RBMS3: variants seen among roughly 807,000 people sequenced by gnomAD.
RBMS3 encodes the protein RNA-binding motif, single-stranded-interacting protein 3.
RBMS3 carries 27 observed loss-of-function variants against 66.8 expected under a neutral mutation model. The ratio of observed to expected loss-of-function variants is 0.40; its 90% CI spans 0.30 to 0.56. RBMS3 has a LOEUF of 0.56. Ranked by LOEUF, RBMS3 falls within the 20% of genes least tolerant of loss-of-function variation. The pLI is 0.40. For missense variants in RBMS3, 513 were observed against 549.5 expected (o/e 0.93, Z 0.66); for synonymous variants, 188 against 183.0 (o/e 1.03, Z -0.22).
At chr3:29,338,902 A>G (rs931278505) in intron 1 of RBMS3, among the ~76,000 whole-genome samples, 3 of 152,196 alleles carry the variant, frequency 2.0e-5, no homozygotes, top group African/African-American at 7.2e-5. Context: ...GTGGAACAGC[A>G]TCATCAATTT....
At chr3:29,580,159 G>A (rs1354067025) in intron 3 of RBMS3, among the ~76,000 whole-genome samples, 2 of 152,036 alleles carry the variant, frequency 1.3e-5, no homozygotes, top group Non-Finnish European at 2.9e-5. Context: ...AAATACCATT[G>A]GGGACCTATT....
intron 4 of RBMS3, among the ~76,000 whole-genome samples, chr3:29,736,300 A>G (rs1429529898): frequency 6.6e-6 from 1 of 152,244 alleles, no homozygotes; most frequent in Non-Finnish European, 1.5e-5. Flanking sequence ...GTCTCTGTGA[A>G]TACAAATTAA....
intron 1 of RBMS3, among the ~76,000 whole-genome samples, chr3:29,344,911 C>T (rs184683845): frequency 6.6e-6 from 1 of 152,090 alleles, no homozygotes; most frequent in Admixed American, 6.5e-5. Context: ...AGTGGCTGTC[C>T]CCTTTAACTC....
chr3:29,839,875 T>C (rs1236668596), intron 6 of RBMS3, among the ~76,000 whole-genome samples: 1 of 151,916 alleles, frequency 6.6e-6, no homozygotes, highest in Non-Finnish European at 1.5e-5. Context: ...ACAAAAAAAT[T>C]GCCAAAACAT....
intron 3 of RBMS3, among the ~76,000 whole-genome samples, chr3:29,584,778 T>C (rs1394287493): frequency 6.6e-6 from 1 of 152,072 alleles, no homozygotes; most frequent in Admixed American, 6.6e-5. Flanking sequence ...ACTCAAAGCA[T>C]CCATTTCACC....
intron 1 of RBMS3, among the ~76,000 whole-genome samples, chr3:29,309,696 A>C (rs535974608): frequency 7.2e-4 from 110 of 151,750 alleles, no homozygotes; most frequent in Non-Finnish European, 1.0e-3. Flanking sequence ...GGGAATATGA[A>C]ATTTCATGCC....
At chr3:29,897,251 C>A in intron 8 of RBMS3, 128 bp from the exon 9 acceptor site, 1 of 744,616 alleles carries the variant, frequency 1.3e-6, no homozygotes, top group Non-Finnish European at 2.4e-6. Flanking sequence ...CCTAGACGTT[C>A]TTGTTAATGG....
chr3:29,328,025 G>A (rs966804882), intron 1 of RBMS3, among the ~76,000 whole-genome samples: 11 of 152,194 alleles, frequency 7.2e-5, no homozygotes, highest in East Asian at 1.9e-4. Context: ...AGAGAAATTC[G>A]CATTATTTAG....
At chr3:29,528,073 C>T (rs1190477786) in intron 3 of RBMS3, among the ~76,000 whole-genome samples, 2 of 150,160 alleles carry the variant, frequency 1.3e-5, no homozygotes, top group African/African-American at 4.9e-5. Context: ...TCAAGAAATG[C>T]TAAACTTGTT....
At chr3:29,987,890 G>A (rs946021557) in intron 12 of RBMS3, among the ~76,000 whole-genome samples, 2 of 152,104 alleles carry the variant, frequency 1.3e-5, no homozygotes, top group Admixed American at 6.5e-5. Context: ...TGTGTAAAAG[G>A]ACAAAGTGAG....
chr3:29,951,242 C>T (rs11717088), intron 12 of RBMS3, among the ~76,000 whole-genome samples: 21,025 of 151,698 alleles, frequency 0.14, 2,158 homozygotes, highest in East Asian at 0.33. Flanking sequence ...AAATGAAAGA[C>T]GATTTTGATT....
chr3:29,331,207 T>A (rs558333796), intron 1 of RBMS3, among the ~76,000 whole-genome samples: 9 of 152,104 alleles, frequency 5.9e-5, no homozygotes, highest in Non-Finnish European at 1.2e-4. Flanking sequence ...TTTTTACTAT[T>A]TCTGCACTCC....
At chr3:29,923,629 A>T (rs1051917940) in intron 10 of RBMS3, among the ~76,000 whole-genome samples, 13 of 152,228 alleles carry the variant, frequency 8.5e-5, no homozygotes, top group African/African-American at 2.9e-4. Flanking sequence ...GGCAGAAAAA[A>T]AAAACTGGTT....
At chr3:29,377,376 T>A (rs898029226) in intron 1 of RBMS3, among the ~76,000 whole-genome samples, 3 of 151,988 alleles carry the variant, frequency 2.0e-5, no homozygotes, top group African/African-American at 7.3e-5. Context: ...TGTTTAGAGG[T>A]TCCCCAATGA....
chr3:29,918,986 AG>A (rs2149649785), intron 10 of RBMS3, among the ~76,000 whole-genome samples: 1 of 152,226 alleles, frequency 6.6e-6, no homozygotes, highest in Non-Finnish European at 1.5e-5. Flanking sequence ...ACAAGCAAAA[AG>A]CTTTATCTTT....
chr3:29,905,330 A>G (rs1314832698), intron 10 of RBMS3, among the ~76,000 whole-genome samples: 1 of 152,028 alleles, frequency 6.6e-6, no homozygotes, highest in Non-Finnish European at 1.5e-5. Flanking sequence ...TTAAAATGCC[A>G]TATGTTTTCT....
chr3:29,817,687 T>C (rs900677818), intron 6 of RBMS3, among the ~76,000 whole-genome samples: 1 of 152,058 alleles, frequency 6.6e-6, no homozygotes, highest in East Asian at 1.9e-4. Context: ...AGAAAGTAGG[T>C]TTATTAATAC....
At chr3:29,977,999 T>C (rs990041587) in intron 12 of RBMS3, among the ~76,000 whole-genome samples, 4 of 152,162 alleles carry the variant, frequency 2.6e-5, no homozygotes, top group African/African-American at 9.7e-5. Flanking sequence ...GCAGAATTGA[T>C]ATCACAGGTC....
intron 1 of RBMS3, among the ~76,000 whole-genome samples, chr3:29,294,456 A>AT (rs537463124): frequency 6.6e-6 from 1 of 151,718 alleles, no homozygotes; most frequent in South Asian, 2.1e-4. Context: ...GAAAAAAAAA[A>AT]CATAGTACTG....
Sources: allele counts gnomAD v4.1 joint callset (sites outside exome capture counted in the v4.1 genomes callset), GRCh38; gene constraint gnomAD v4.1.1; transcripts MANE v1.5; gene names NCBI Gene and HGNC (gene_info 2026-07-23, HGNC 2026-07-21).